The following SEPTIN11 variants were observed in gnomAD, a reference collection of about 807,000 sequenced individuals.
SEPTIN11 encodes septin-11.
SEPTIN11 carries 25 observed loss-of-function variants against 51.4 expected under a neutral mutation model. That is an observed-to-expected ratio of 0.49 (90% confidence interval 0.35 to 0.68). The LOEUF is 0.68. SEPTIN11 is among the 30% of genes least tolerant of loss of function. SEPTIN11 has a pLI of 0.00. For missense variants in SEPTIN11, 381 were observed against 520.8 expected (o/e 0.73, Z 2.61); for synonymous variants, 174 against 184.1 (o/e 0.95, Z 0.44).
chr4:76,981,189 G>A (rs1722754089), intron 1 of SEPTIN11, among the ~76,000 whole-genome samples: 1 of 152,158 alleles, frequency 6.6e-6, no homozygotes, highest in African/African-American at 2.4e-5. Context: ...ATTGTTGTAT[G>A]CAGTTGCATT....
At position 76,996,411 on chromosome 4, in the gene SEPTIN11, C is replaced by T. The variant is rs1211883824; in HGVS notation, c.28-14C>T. Reference sequence around the variant, plus strand: ...GTTCATGGACACTCAAATCTTTCTCCCCTGAAATTGCAGAATGAAGAGCTT... The same window carrying T: ...GTTCATGGACACTCAAATCTTTCTCTCCTGAAATTGCAGAATGAAGAGCTT... On this transcript the variant is annotated splice_polypyrimidine_tract_variant and intron_variant, in intron 1 of 9. Coordinates refer to ENST00000264893, the MANE Select transcript of SEPTIN11 (RefSeq NM_018243.4). The T allele has an allele frequency of 6.3e-7, 1 of 1,588,650 alleles. No homozygotes were observed. Among genetic ancestry groups the T allele is most frequent in the South Asian group, 1.1e-5 (1 of 90,532 alleles).
intron 5 of SEPTIN11, among the ~76,000 whole-genome samples, chr4:77,016,659 C>CATAT (rs776737427): frequency 0.01 from 674 of 65,708 alleles, 14 homozygotes; most frequent in African/African-American, 0.034. Context: ...TATATATACA[C>CATAT]ATATATATAT....
chr4:76,954,823 G>C (rs1275078894), intron 1 of SEPTIN11, among the ~76,000 whole-genome samples: 1 of 152,210 alleles, frequency 6.6e-6, no homozygotes, highest in Non-Finnish European at 1.5e-5. Context: ...CCCACCTGCT[G>C]AACTGTGACT....
intron 1 of SEPTIN11, among the ~76,000 whole-genome samples, chr4:76,966,052 C>T (rs1722022806): frequency 6.6e-6 from 1 of 152,186 alleles, no homozygotes; most frequent in East Asian, 1.9e-4. Flanking sequence ...AGAGTCTGCC[C>T]TTTGTGTTCC....
intron 8 of SEPTIN11, among the ~76,000 whole-genome samples, chr4:77,029,814 A>C (rs1726475247): frequency 6.7e-6 from 1 of 149,800 alleles, no homozygotes; most frequent in African/African-American, 2.5e-5. Context: ...ACACATATAT[A>C]CATACACATA....
At chr4:76,962,211 G>C (rs1721852058) in intron 1 of SEPTIN11, among the ~76,000 whole-genome samples, 1 of 152,206 alleles carries the variant, frequency 6.6e-6, no homozygotes, top group Non-Finnish European at 1.5e-5. Flanking sequence ...GTGGGTTTGT[G>C]CTGGAAAGAC....
intron 1 of SEPTIN11, among the ~76,000 whole-genome samples, chr4:76,986,924 G>A (rs1200813948): frequency 1.3e-5 from 2 of 151,844 alleles, no homozygotes; most frequent in African/African-American, 2.4e-5. Flanking sequence ...AACATTTCCC[G>A]AAAATCTTAC....
chr4:76,959,201 A>G, intron 1 of SEPTIN11: 1 of 357,098 alleles, frequency 2.8e-6, no homozygotes, highest in South Asian at 3.0e-5. Flanking sequence ...AGCAACTGTA[A>G]CGACCGATGG....
chr4:76,964,333 A>T (rs1424405241), intron 1 of SEPTIN11, among the ~76,000 whole-genome samples: 5 of 125,314 alleles, frequency 4.0e-5, no homozygotes, highest in Non-Finnish European at 8.3e-5. Flanking sequence ...TCCCCCTCCC[A>T]TTTAAATTCA....
intron 8 of SEPTIN11, among the ~76,000 whole-genome samples, chr4:77,029,369 T>G (rs1560749485): frequency 6.6e-6 from 1 of 152,222 alleles, no homozygotes; most frequent in Non-Finnish European, 1.5e-5. Flanking sequence ...TGTGCTTGTG[T>G]GCATAATGTC....
At chr4:76,999,814 T>G (rs536540525) in intron 2 of SEPTIN11, among the ~76,000 whole-genome samples, 1 of 152,330 alleles carries the variant, frequency 6.6e-6, no homozygotes, top group South Asian at 2.1e-4. Context: ...ATTCTGATGT[T>G]AAATGAGATA....
rs1051723729 is a variant in SEPTIN11, at chr4:76,992,762, A to G, written c.28-3663A>G. ...GATTTCATAATAAAGACAATGATGG[A>G]GGTATAATTTTATTGGGATCTGGAA... On this transcript the variant is annotated intron_variant, in intron 1 of 9. Transcript: ENST00000264893. 5.9e-5 allele frequency among the ~76,000 whole-genome samples: 9 copies of G among 152,182 alleles called. No individual in the cohort carries two copies. In the South Asian group the frequency reaches 6.2e-4, roughly 10 times the overall value.
At chr4:77,032,968 A>G (rs531590870) in intron 9 of SEPTIN11, among the ~76,000 whole-genome samples, 2 of 152,194 alleles carry the variant, frequency 1.3e-5, no homozygotes, top group South Asian at 4.1e-4. Flanking sequence ...TGTGGATTCT[A>G]TTTTAGCTTA....
At chr4:77,012,231 A>G (rs1724921996) in intron 4 of SEPTIN11, among the ~76,000 whole-genome samples, 1 of 152,148 alleles carries the variant, frequency 6.6e-6, no homozygotes, top group Non-Finnish European at 1.5e-5. Flanking sequence ...ACTTTCTCTA[A>G]AAGGTGTTTA....
rs574319153 is a variant in SEPTIN11, at chr4:76,991,120, T to C, written c.28-5305T>C. 2.0e-3 allele frequency among the ~76,000 whole-genome samples: 312 copies of C among 152,324 alleles called. 1 individual carries two copies. Among genetic ancestry groups the C allele is most frequent in the Non-Finnish European group, 2.5e-3 (167 of 68,038 alleles). The stretch of plus-strand genomic sequence containing the variant: ...TAGCAGCTGTAATAGAACTTCTGAT[T>C]AATTTCAGATTTTTAAATGATAGTT... On this transcript the variant is annotated intron_variant, in intron 1 of 9. Coordinates refer to ENST00000264893, the MANE Select transcript of SEPTIN11 (RefSeq NM_018243.4).
At chr4:77,026,064 C>T (rs942337460) in intron 7 of SEPTIN11, among the ~76,000 whole-genome samples, 1 of 152,178 alleles carries the variant, frequency 6.6e-6, no homozygotes, top group Non-Finnish European at 1.5e-5. Flanking sequence ...AATGCCTACT[C>T]TTAAACTTTT....
rs78784600 is a variant in SEPTIN11 at position 76,980,297 on chromosome 4, A to G, written c.28-16128A>G. 3.8e-3 allele frequency among the ~76,000 whole-genome samples: 579 copies of G among 152,316 alleles called. 4 individuals are homozygous for G. The highest frequency in any genetic ancestry group is 0.013 in the African/African-American group (541 of 41,572). On this transcript the variant is annotated intron_variant, in intron 1 of 9. Coordinates refer to ENST00000264893, the MANE Select transcript of SEPTIN11 (RefSeq NM_018243.4). ...TCTCCATGGGGACTAAAGCTTCACA[A>G]GTTTGTCTGTCCAAACACATCAGGT... is the stretch of plus-strand genomic sequence containing the variant.
At chr4:76,973,940 A>G (rs955789616) in intron 1 of SEPTIN11, among the ~76,000 whole-genome samples, 4 of 152,294 alleles carry the variant, frequency 2.6e-5, no homozygotes, top group African/African-American at 9.6e-5. Flanking sequence ...TACACCACCA[A>G]CATTTTATAT....
chr4:76,984,714 C>G lies in SEPTIN11; in HGVS notation c.28-11711C>G, dbSNP rs760207135. On this transcript the variant is annotated intron_variant, in intron 1 of 9. Coordinates refer to ENST00000264893, the MANE Select transcript of SEPTIN11 (RefSeq NM_018243.4). The surrounding 1 kb of genome is among the most constrained non-coding windows in gnomAD (Gnocchi z 4.1). ...GATATTCCATAGGATAAAGACAGGG[C>G]AGGAGGGACAAAAATGACCCAAATA... Among the ~76,000 whole-genome samples, 3 of 152,102 alleles carry G rather than the reference C, an allele frequency of 2.0e-5. No homozygotes were observed. Among genetic ancestry groups the G allele is most frequent in the Admixed American group, 1.3e-4 (2 of 15,268 alleles).
Sources: gnomAD v4.1 joint callset for allele counts (sites outside exome capture counted in the v4.1 genomes callset) on GRCh38, gnomAD v4.1.1 for gene constraint, Gnocchi (gnomAD v3.1) non-coding constraint, MANE v1.5 for transcripts, NCBI Gene and HGNC (gene_info 2026-07-23, HGNC 2026-07-21) for gene names.